The following OXR1 variants were observed in gnomAD, a reference collection of about 807,000 sequenced individuals.
The protein encoded by OXR1 is oxidation resistance 1, also known as oxidation resistance protein 1.
In OXR1, 41 loss-of-function variants were observed where a neutral mutation model predicts 104.6. The observed-to-expected ratio is 0.39, with a 90% confidence interval of 0.31 to 0.51. The LOEUF (loss-of-function observed/expected upper bound fraction) is 0.51. Ranked by LOEUF, OXR1 falls within the 20% of genes least tolerant of loss-of-function variation. OXR1 has a pLI of 0.77. For missense variants in OXR1, 955 were observed against 1,031.9 expected, an observed-to-expected ratio of 0.93 and a Z score of 1.02; for synonymous variants, 348 against 348.4, an observed-to-expected ratio of 1.00 and a Z score of 0.01.
At chr8:106,607,540 C>T (rs1820493004) in intron 3 of OXR1, among the ~76,000 whole-genome samples, 1 of 152,218 alleles carries the variant, frequency 6.6e-6, no homozygotes, top group African/African-American at 2.4e-5. Flanking sequence ...CTCCTGCCTT[C>T]CTTCACTGAT....
intron 3 of OXR1, among the ~76,000 whole-genome samples, chr8:106,558,869 A>G (rs1816475395): frequency 6.6e-6 from 1 of 152,160 alleles, no homozygotes; most frequent in African/African-American, 2.4e-5. Context: ...CCTAAATGCC[A>G]ATAAACCCAC....
intron 2 of OXR1, among the ~76,000 whole-genome samples, chr8:106,381,469 G>A (rs547534156): frequency 6.6e-6 from 1 of 152,104 alleles, no homozygotes; most frequent in African/African-American, 2.4e-5. Context: ...GAACATAAAA[G>A]AGAAGGGTAG....
chr8:106,404,541 G>A (rs1302199215), intron 2 of OXR1, among the ~76,000 whole-genome samples: 16 of 151,550 alleles, frequency 1.1e-4, no homozygotes, highest in East Asian at 1.9e-4. Flanking sequence ...CATAGAAGAC[G>A]TTAGGTCATT....
intron 12 of OXR1, 63 bp from the exon 13 acceptor site, chr8:106,739,395 C>G: frequency 6.9e-7 from 1 of 1,440,184 alleles, no homozygotes; most frequent in Non-Finnish European, 9.6e-7. Context: ...TCTGAAAAGT[C>G]TGACAATTTT....
intron 3 of OXR1, among the ~76,000 whole-genome samples, chr8:106,547,169 G>A (rs562224395): frequency 3.3e-5 from 5 of 152,116 alleles, no homozygotes; most frequent in Admixed American, 1.3e-4. Context: ...GATTACAGGC[G>A]TGAGCCACCA....
chr8:106,502,476 C>T (rs1160047069), intron 2 of OXR1, among the ~76,000 whole-genome samples: 1 of 152,154 alleles, frequency 6.6e-6, no homozygotes, highest in Non-Finnish European at 1.5e-5. Context: ...TCTCAGGTGC[C>T]TGTTTACAGT....
intron 1 of OXR1, among the ~76,000 whole-genome samples, chr8:106,287,448 C>T (rs1812545980): frequency 6.6e-6 from 1 of 152,148 alleles, no homozygotes; most frequent in Non-Finnish European, 1.5e-5. Flanking sequence ...AAAACAGTGT[C>T]ATCCAAGGTG....
At chr8:106,606,293 T>C (rs1021618351) in intron 3 of OXR1, among the ~76,000 whole-genome samples, 2 of 150,428 alleles carry the variant, frequency 1.3e-5, no homozygotes, top group Non-Finnish European at 3.0e-5. Flanking sequence ...ATACTCTTTA[T>C]TTATTTATTT....
Position 106,455,495 on chromosome 8 carries a change from A to T in OXR1, c.24-63448A>T, listed in dbSNP as rs1820551881. ...CCAAGGTCAAATGCATGTCCTTTAA[A>T]ACTGTCTTCTCATTTCATTACTGAG... On this transcript the variant is annotated intron_variant, in intron 2 of 16. Coordinates refer to ENST00000517566, the MANE Select transcript of OXR1 (RefSeq NM_001198533.2). 2.6e-5 allele frequency among the ~76,000 whole-genome samples: 4 copies of T among 152,188 alleles called. No individual in the cohort carries two copies. The South Asian group carries it at 8.3e-4, about 32-fold the overall frequency.
chr8:106,419,245 G>C (rs575061258), intron 2 of OXR1, among the ~76,000 whole-genome samples: 1 of 152,128 alleles, frequency 6.6e-6, no homozygotes, highest in Admixed American at 6.6e-5. Flanking sequence ...CAGAACTCAC[G>C]GTGACTTAAA....
At chr8:106,567,559 T>C (rs118165054) in intron 3 of OXR1, among the ~76,000 whole-genome samples, 2 of 152,246 alleles carry the variant, frequency 1.3e-5, no homozygotes, top group East Asian at 3.9e-4. Context: ...TTTTCTGGAG[T>C]TGGCCTGCCA....
In OXR1 at chr8:106,339,512, AAAAAAAAATATATAT is replaced by A. The variant is rs1285677167; in HGVS notation, c.-138-19962_-138-19948del. On this transcript the variant is annotated intron_variant, in intron 1 of 16. Transcript: ENST00000517566. ...CCATCCAAAAAAAAAAAAAAAAAAA[AAAAAAAAATATATAT>A]ATATATATATATATATATATATATA... Among the ~76,000 whole-genome samples the A allele has an allele frequency of 5.6e-4, 23 of 41,100 alleles. 1 individual carries two copies. Among genetic ancestry groups the A allele is most frequent in the African/African-American group, 3.8e-3 (23 of 6,090 alleles). The allele number at this position is 41,100 out of a possible 152,430, so 27.0% of individuals were successfully genotyped here.
chr8:106,698,553 C>T (rs766837648), intron 7 of OXR1, among the ~76,000 whole-genome samples: 5 of 152,254 alleles, frequency 3.3e-5, no homozygotes, highest in Admixed American at 2.6e-4. Flanking sequence ...CATTGGGTCT[C>T]ACAGCTCCCT....
intron 2 of OXR1, among the ~76,000 whole-genome samples, chr8:106,362,139 A>T (rs1816274465): frequency 6.6e-6 from 1 of 152,148 alleles, no homozygotes; most frequent in African/African-American, 2.4e-5. Flanking sequence ...TGCCCCGATG[A>T]TTCTGAGTTC....
intron 1 of OXR1, among the ~76,000 whole-genome samples, chr8:106,347,867 T>C (rs1359470056): frequency 6.6e-6 from 1 of 152,178 alleles, no homozygotes; most frequent in East Asian, 1.9e-4. Context: ...GTAAATAATA[T>C]CATATTATTA....
rs148342517 is a variant in OXR1, at chr8:106,654,539, A to G, written c.221-24671A>G. 9.6e-4 allele frequency among the ~76,000 whole-genome samples: 146 copies of G among 152,248 alleles called. 3 individuals are homozygous for G. In the East Asian group the frequency reaches 0.019, roughly 20 times the overall value. Reference sequence around the variant, plus strand: ...AAACCTGAAAATTAACCCAACATAGATCAAAGACCTATATAAGATCAAAGA... The same window carrying G: ...AAACCTGAAAATTAACCCAACATAGGTCAAAGACCTATATAAGATCAAAGA... On this transcript the variant is annotated intron_variant, in intron 3 of 16. Transcript: ENST00000517566.
intron 2 of OXR1, among the ~76,000 whole-genome samples, chr8:106,413,723 A>C (rs1818553822): frequency 2.1e-5 from 3 of 145,594 alleles, no homozygotes; most frequent in Admixed American, 2.1e-4. Context: ...TGCTGTATCT[A>C]CTTTTTTTTT....
chr8:106,444,487 C>A (rs1365695082), intron 2 of OXR1, among the ~76,000 whole-genome samples: 1 of 152,142 alleles, frequency 6.6e-6, no homozygotes, highest in African/African-American at 2.4e-5. Context: ...TACATATACA[C>A]CATGGAATAC....
intron 2 of OXR1, among the ~76,000 whole-genome samples, chr8:106,503,720 G>A (rs546603959): frequency 9.2e-5 from 14 of 152,268 alleles, no homozygotes; most frequent in Admixed American, 3.3e-4. Context: ...TGAAACCTGC[G>A]GGGCAAAGAA....
Sources: allele counts gnomAD v4.1 joint callset (sites outside exome capture counted in the v4.1 genomes callset), GRCh38; gene constraint gnomAD v4.1.1; transcripts MANE v1.5; gene names NCBI Gene and HGNC (gene_info 2026-07-23, HGNC 2026-07-21).